The following RPGRIP1 variants were observed in gnomAD, a reference collection of about 807,000 sequenced individuals.
RPGRIP1 encodes the protein X-linked retinitis pigmentosa GTPase regulator-interacting protein 1.
Under a neutral mutation model 157.9 loss-of-function variants are expected in RPGRIP1, and 128 were observed. That is an observed-to-expected ratio of 0.81 (90% CI 0.70 to 0.94). The LOEUF (loss-of-function observed/expected upper bound fraction) is 0.94. Among genes scored for constraint, RPGRIP1 ranks in the 40% least tolerant of loss-of-function variants. The pLI is 0.00. For synonymous variants in RPGRIP1, 554 were observed against 571.6 expected, an observed-to-expected ratio of 0.97 and a Z score of 0.44; for missense variants, 1,486 against 1,545.8, an observed-to-expected ratio of 0.96 and a Z score of 0.65.
intron 10 of RPGRIP1, among the ~76,000 whole-genome samples, chr14:21,315,074 C>G (rs958233598): frequency 2.6e-5 from 4 of 151,490 alleles, no homozygotes; most frequent in Non-Finnish European, 4.4e-5. Context: ...TTCCCAGATA[C>G]TCAGAAGGCT....
In RPGRIP1 at chr14:21,348,461, TTAAAG is replaced by T. The variant is rs374188389; in HGVS notation, c.3748+162_3748+166del. Among the ~76,000 whole-genome samples the T allele has an allele frequency of 2.2e-4, 33 of 152,332 alleles. 1 individual carries two copies. Among genetic ancestry groups the T allele is most frequent in the East Asian group, 5.8e-4 (3 of 5,192 alleles). ...ACTGTATTTATTTCTGGATCCAACA[TTAAAG>T]TAGTCAGTTGTGTATTTTTACCCCC... is the stretch of plus-strand genomic sequence containing the variant. On this transcript the variant is annotated intron_variant, in intron 24 of 24. Coordinates refer to ENST00000400017, the MANE Select transcript of RPGRIP1 (RefSeq NM_020366.4).
intron 3 of RPGRIP1, among the ~76,000 whole-genome samples, chr14:21,300,705 CTTT>C (rs918137131): frequency 4.1e-5 from 3 of 73,506 alleles, no homozygotes; most frequent in African/African-American, 5.5e-5. Flanking sequence ...AGTGGCTCAA[CTTT>C]TTTTTTTTTT....
chr14:21,318,348 A>T, intron 11 of RPGRIP1: 3 of 310,624 alleles, frequency 9.7e-6, no homozygotes, highest in South Asian at 7.3e-5. Flanking sequence ...CTGACCTCAG[A>T]TGATCCACCA....
At chr14:21,336,896 T>C (rs150368079) in intron 21 of RPGRIP1, among the ~76,000 whole-genome samples, 21 of 152,370 alleles carry the variant, frequency 1.4e-4, no homozygotes, top group Middle Eastern at 3.4e-3. Flanking sequence ...TAAGATATCC[T>C]TTTAGAAAAC....
intron 6 of RPGRIP1, 25 bp downstream of exon 6, chr14:21,303,568 C>T (rs1459470489): frequency 6.5e-7 from 1 of 1,537,738 alleles, no homozygotes. Flanking sequence ...CTCCATGCCT[C>T]AAACCAAAAC....
intron 21 of RPGRIP1, among the ~76,000 whole-genome samples, chr14:21,336,997 C>T (rs759470925): frequency 2.0e-5 from 3 of 152,156 alleles, no homozygotes; most frequent in African/African-American, 4.8e-5. Flanking sequence ...TCAAGTTAAA[C>T]GTACAACACA....
At chr14:21,288,115 G>A (rs865920590) in intron 2 of RPGRIP1, 54 bp downstream of exon 2, 2 of 1,135,234 alleles carry the variant, frequency 1.8e-6, no homozygotes, top group Middle Eastern at 2.1e-4. Flanking sequence ...AACTCTCACT[G>A]TGGAACATCT....
chr14:21,335,583 CG>C (rs1180299788), intron 21 of RPGRIP1, among the ~76,000 whole-genome samples: 7 of 152,148 alleles, frequency 4.6e-5, no homozygotes, highest in Admixed American at 4.6e-4. Flanking sequence ...GTAATCCCAG[CG>C]CTTTGGGAGG....
At chr14:21,325,192 C>T in intron 15 of RPGRIP1, 40 bp from the exon 16 acceptor site, 1 of 1,567,518 alleles carries the variant, frequency 6.4e-7, no homozygotes, top group South Asian at 1.2e-5. Flanking sequence ...CTTGCCACAC[C>T]ATCTGTATTC....
chr14:21,337,344 C>T (rs1386084796), intron 21 of RPGRIP1, among the ~76,000 whole-genome samples: 1 of 151,802 alleles, frequency 6.6e-6, no homozygotes, highest in African/African-American at 2.4e-5. Flanking sequence ...TAATACAGTG[C>T]CCGAGACAAA....
intron 10 of RPGRIP1, among the ~76,000 whole-genome samples, chr14:21,315,646 A>G (rs572791714): frequency 6.6e-6 from 1 of 152,214 alleles, no homozygotes; most frequent in Admixed American, 6.5e-5. Flanking sequence ...TGTGGGGAGT[A>G]TCCACTTCGA....
At position 21,311,952 on chromosome 14, in the gene RPGRIP1, G is replaced by C. The variant is rs756365691; in HGVS notation, c.1059G>C (p.Leu353Phe). The C allele has an allele frequency of 2.5e-5, 41 of 1,613,170 alleles. 1 individual carries two copies. The Middle Eastern group carries it at 1.3e-3, about 52-fold the overall frequency. ...GCCAACTGGAAGATGTGTCTATCTTGCAGATGACTCTGAAGGAGGTAAATA... is the reference window on the plus strand; with the variant it reads ...GCCAACTGGAAGATGTGTCTATCTTCCAGATGACTCTGAAGGAGGTAAATA... ...LKSQLEDVSILQMTLKEFQER... is the reference protein window; with the variant it reads ...LKSQLEDVSIFQMTLKEFQER... Residue 353 changes from leucine (L) to phenylalanine (F), a missense_variant, in exon 9 of 25, where the codon TTG becomes TTC. Leu to Phe is a conservative substitution (Grantham distance 22). Transcript: ENST00000400017.
intron 1 of RPGRIP1, among the ~76,000 whole-genome samples, chr14:21,286,583 C>A (rs1342587869): frequency 6.6e-6 from 1 of 151,196 alleles, no homozygotes; most frequent in Non-Finnish European, 1.5e-5. Context: ...TCACCTGAGG[C>A]CAGGAGTTCA....
At chr14:21,291,626 G>C (rs888831848) in intron 2 of RPGRIP1, among the ~76,000 whole-genome samples, 1 of 150,944 alleles carries the variant, frequency 6.6e-6, no homozygotes, top group Non-Finnish European at 1.5e-5. Flanking sequence ...TGTCACCCAA[G>C]CTGGAGTGCA....
intron 2 of RPGRIP1, among the ~76,000 whole-genome samples, chr14:21,294,127 T>C (rs1880657461): frequency 6.6e-6 from 1 of 151,780 alleles, no homozygotes; most frequent in African/African-American, 2.4e-5. Context: ...AATTGGATAT[T>C]TTTATCTAGA....
chr14:21,297,069 A>G (rs542360401), intron 3 of RPGRIP1, among the ~76,000 whole-genome samples: 1 of 152,060 alleles, frequency 6.6e-6, no homozygotes, highest in Admixed American at 6.6e-5. Flanking sequence ...TGCATAACAG[A>G]GGTGGAATCT....
At position 21,301,048 on chromosome 14, in the gene RPGRIP1, G is replaced by C; in HGVS notation, c.301G>C (p.Ala101Pro). Residue 101 changes from alanine (A) to proline (P), a missense_variant, in exon 4 of 25, where the codon GCA (alanine) becomes CCA (proline). Coordinates refer to ENST00000400017, the MANE Select transcript of RPGRIP1 (RefSeq NM_020366.4). The part of the protein sequence containing the change: ...AEEAAPLSET[A>P]RRGQKAGWRQ... ...GGAGGCGGCGCCGCTCTCGGAGACC[G>C]CAAGGCGCGGGCAGAAGGCGGGATG... 6.2e-7 allele frequency: 1 copy of C among 1,612,618 alleles called. No individual in the cohort carries two copies. Among genetic ancestry groups the C allele is most frequent in the South Asian group, 1.1e-5 (1 of 91,042 alleles).
intron 1 of RPGRIP1, among the ~76,000 whole-genome samples, chr14:21,287,084 A>G (rs1351359321): frequency 6.6e-6 from 1 of 151,678 alleles, no homozygotes; most frequent in African/African-American, 2.4e-5. Context: ...AAAGAAAAAG[A>G]AGAAAAGAAA....
intron 1 of RPGRIP1, among the ~76,000 whole-genome samples, chr14:21,283,990 A>G (rs921759656): frequency 6.6e-6 from 1 of 152,228 alleles, no homozygotes; most frequent in Non-Finnish European, 1.5e-5. Context: ...TGGGGTGATT[A>G]TTCAGCTTTC....
Sources: gnomAD v4.1 joint callset for allele counts (sites outside exome capture counted in the v4.1 genomes callset) on GRCh38, gnomAD v4.1.1 for gene constraint, MANE v1.5 for transcripts, NCBI Gene and HGNC (gene_info 2026-07-23, HGNC 2026-07-21) for gene names.